LAMB2: variants seen among roughly 807,000 people sequenced by gnomAD.
LAMB2 encodes the protein laminin subunit beta-2.
LAMB2 carries 119 observed loss-of-function variants against 202.7 expected under a neutral mutation model. The observed-to-expected ratio is 0.59, with a 90% CI of 0.51 to 0.68. LAMB2 has a LOEUF of 0.68. LAMB2 is among the 30% of genes least tolerant of loss of function. The pLI is 0.00. For synonymous variants in LAMB2, 818 were observed against 902.2 expected, an observed-to-expected ratio of 0.91 and a Z score of 1.67; for missense variants, 2,124 against 2,410.6, an observed-to-expected ratio of 0.88 and a Z score of 2.49.
chr3:49,122,328 C>CGT lies in LAMB2; in HGVS notation c.4614_4615dup (p.Arg1539HisfsTer4). ...AGCTGGGATGGAGAGCTCTAGCACC[C>CGT]GTGTGGCCACCATTTCAATGCTATC... On this transcript the variant is annotated frameshift_variant, in exon 28 of 32. Transcript: ENST00000305544. LOFTEE classifies it high-confidence loss of function. The CGT allele has an allele frequency of 6.2e-7, 1 of 1,613,390 alleles. No individual in the cohort carries two copies. Among genetic ancestry groups the CGT allele is most frequent in the South Asian group, 1.1e-5 (1 of 91,086 alleles).
At position 49,121,910 on chromosome 3, in the gene LAMB2, A is replaced by C. The variant is rs1022401041; in HGVS notation, c.4923+34T>G. On this transcript the variant is annotated intron_variant, in intron 29 of 31. Coordinates refer to ENST00000305544, the MANE Select transcript of LAMB2 (RefSeq NM_002292.4). ...CACAGATCTACGGTTCATGCCCATA[A>C]CCTTGTCCCACTGATGTCCTAGGAA... is the stretch of plus-strand genomic sequence containing the variant. 4 of 1,613,658 alleles carry C rather than the reference A, an allele frequency of 2.5e-6. No homozygotes were observed. In the African/African-American group the frequency reaches 5.3e-5, roughly 22 times the overall value.
In LAMB2 at chr3:49,131,844, G is replaced by T; in HGVS notation, c.460-121C>A. The T allele has an allele frequency of 1.8e-6, 2 of 1,106,212 alleles. No homozygotes were observed. Among genetic ancestry groups the T allele is most frequent in the Non-Finnish European group, 2.7e-6 (2 of 754,340 alleles). The allele number at this position is 1,106,212 out of a possible 1,614,324, so 68.5% of individuals were successfully genotyped here. On this transcript the variant is annotated intron_variant, in intron 4 of 31. Coordinates refer to ENST00000305544, the MANE Select transcript of LAMB2 (RefSeq NM_002292.4). This position sits in a 1 kb window ranked among gnomAD's most constrained non-coding sequence, Gnocchi z 5.0. ...AGCTCACAGAGAGTGGGGGTGACTG[G>T]TGGAAGCCAGATAATGACCAGCAAA...
At position 49,129,613 on chromosome 3, in the gene LAMB2, G is replaced by T; in HGVS notation, c.1509C>A (p.Asp503Glu). ...CKRLVTGRGC[D>E]RCLPGHWGLS... Reference sequence around the variant, plus strand: ...CCCCTTCCAGTCGCACCAGGCAGCGGTCACATCCACGTCCAGTCACTAGAC... The same window carrying T: ...CCCCTTCCAGTCGCACCAGGCAGCGTTCACATCCACGTCCAGTCACTAGAC... Residue 503 changes from aspartate to glutamate, a missense_variant, in exon 11 of 32, where the codon GAC becomes GAA. Physicochemically the swap from Asp to Glu is conservative, Grantham distance 45. Around this residue, in one of 3 missense-constraint regions of LAMB2, gnomAD observed 1,702 missense variants for 1,896.3 expected, o/e 0.90. Transcript: ENST00000305544. The surrounding 1 kb of genome is among the most constrained non-coding windows in gnomAD (Gnocchi z 6.1). 6.2e-7 allele frequency: 1 copy of T among 1,613,262 alleles called. No individual in the cohort carries two copies. The highest frequency in any genetic ancestry group is 8.5e-7 in the Non-Finnish European group (1 of 1,179,244).
At chr3:49,125,658 G>A (rs2045405748) in intron 18 of LAMB2, 89 bp downstream of exon 18, 11 of 1,552,006 alleles carry the variant, frequency 7.1e-6, no homozygotes, top group Non-Finnish European at 8.8e-6. Context: ...CTTAGTTTGA[G>A]GAAACCAGCA....
In LAMB2 at chr3:49,121,516, GC is replaced by G; in HGVS notation, c.5176del (p.Ala1726LeufsTer95). On this transcript the variant is annotated frameshift_variant, in exon 31 of 32. Transcript: ENST00000305544. LOFTEE classifies it high-confidence loss of function. ...CAGTTGTTCTGCCCTTGCCTGTGCA[GC>G]CAGCACACCTTGGGCCTTGCGCTCA... is the stretch of plus-strand genomic sequence containing the variant. ...LAERKAQGVL[A>X]AQARAEQLRD... The G allele has an allele frequency of 6.2e-7, 1 of 1,614,106 alleles. No homozygotes were observed. Among genetic ancestry groups the G allele is most frequent in the Non-Finnish European group, 8.5e-7 (1 of 1,180,050 alleles).
chr3:49,125,837 C>A lies in LAMB2; in HGVS notation c.2398G>T (p.Gly800Cys). The part of the protein sequence containing the change: ...SLSSECNPHG[G>C]QCLCKPGVVG... ...ACTCCAGGCTTGCACAGGCACTGAC[C>A]ACCATGAGGGTTGCACTCAGAACTC... The change falls in exon 18 of 32, where the codon GGT becomes TGT. Residue 800 changes from glycine to cysteine, a missense_variant. Around this residue, in one of 3 missense-constraint regions of LAMB2, gnomAD observed 1,702 missense variants for 1,896.3 expected, o/e 0.90. Coordinates refer to ENST00000305544, the MANE Select transcript of LAMB2 (RefSeq NM_002292.4). The A allele has an allele frequency of 6.2e-7, 1 of 1,614,110 alleles. No homozygotes were observed. Among genetic ancestry groups the A allele is most frequent in the Non-Finnish European group, 8.5e-7 (1 of 1,180,014 alleles).
intron 18 of LAMB2, 22 bp from the exon 19 acceptor site, chr3:49,125,506 G>T: frequency 1.9e-6 from 3 of 1,548,052 alleles, no homozygotes; most frequent in Non-Finnish European, 2.6e-6. Context: ...GCAGAGCTGA[G>T]CCAGAGCCAG....
In LAMB2 at chr3:49,129,264, C is replaced by G; in HGVS notation, c.1579G>C (p.Gly527Arg). 1 of 1,613,984 alleles carries G rather than the reference C, an allele frequency of 6.2e-7. No homozygotes were observed. The change falls in exon 12 of 32, where the codon GGT becomes CGT. Residue 527 changes from glycine to arginine, a missense_variant. By Grantham distance (125) the Gly-to-Arg change is moderately radical (BLOSUM62 -2). Around this residue, in one of 3 missense-constraint regions of LAMB2, gnomAD observed 1,702 missense variants for 1,896.3 expected, o/e 0.90. Coordinates refer to ENST00000305544, the MANE Select transcript of LAMB2 (RefSeq NM_002292.4). This position sits in a 1 kb window ranked among gnomAD's most constrained non-coding sequence, Gnocchi z 6.1. The stretch of plus-strand genomic sequence containing the variant: ...ACTTACTGGGGATCCAAAGCACCAC[C>G]CACGTCGCAGTCACAGGGGCGGCAG... ...LGCRPCDCDV[G>R]GALDPQCDEG...
Position 49,125,988 on chromosome 3 carries a change from G to C in LAMB2, c.2323C>G (p.Leu775Val). The C allele has an allele frequency of 6.2e-7, 1 of 1,614,204 alleles. No homozygotes were observed. The highest frequency in any genetic ancestry group is 8.5e-7 in the Non-Finnish European group (1 of 1,180,030). Residue 775 changes from leucine (L) to valine (V), a missense_variant, in exon 17 of 32, where the codon CTC becomes GTC. By Grantham distance (32) the Leu-to-Val change is conservative. This residue lies in a region of LAMB2 where 1,702 missense variants were observed against 1,896.3 expected (regional missense o/e 0.90). Coordinates refer to ENST00000305544, the MANE Select transcript of LAMB2 (RefSeq NM_002292.4). ...TCACGCAGGGCACCATTGTAGATGA[G>C]GGTGGACAGGCTGATGAGGAGGGGT... The part of the protein sequence containing the change: ...CAPLLISLST[L>V]IYNGALPCQC...
intron 15 of LAMB2, among the ~76,000 whole-genome samples, 157 bp downstream of exon 15, chr3:49,128,301 G>A (rs1022367710): frequency 6.6e-6 from 1 of 152,210 alleles, no homozygotes; most frequent in Non-Finnish European, 1.5e-5. Flanking sequence ...TCTGTGAACA[G>A]AGCCATGCCC....
chr3:49,124,990 GC>G lies in LAMB2; in HGVS notation c.2884+15del, dbSNP rs769133638. 4 of 1,613,920 alleles carry G rather than the reference GC, an allele frequency of 2.5e-6. No homozygotes were observed. In the South Asian group the frequency reaches 4.4e-5, roughly 18 times the overall value. On this transcript the variant is annotated intron_variant, in intron 20 of 31. Coordinates refer to ENST00000305544, the MANE Select transcript of LAMB2 (RefSeq NM_002292.4). Reference sequence around the variant, plus strand: ...GCCAACTCACCCTGATCCCACGCCTGCCCCCATCCACTCACCCGTATAGCCT... The same window carrying G: ...GCCAACTCACCCTGATCCCACGCCTGCCCCATCCACTCACCCGTATAGCCT...
intron 27 of LAMB2, 164 bp downstream of exon 27, chr3:49,122,540 T>G (rs2045341040): frequency 1.1e-6 from 1 of 920,058 alleles, no homozygotes; most frequent in African/African-American, 1.6e-5. Context: ...CTCAAGAACA[T>G]GGACCTGGGA....
In LAMB2 at chr3:49,132,556, G is replaced by C; in HGVS notation, c.184C>G (p.Leu62Val). 6.2e-7 allele frequency: 1 copy of C among 1,613,706 alleles called. No homozygotes were observed. The highest frequency in any genetic ancestry group is 1.7e-5 in the Admixed American group (1 of 60,032). The change falls in exon 2 of 32, where the codon CTG (leucine) becomes GTG (valine). Residue 62 changes from leucine to valine, a missense_variant. Leu to Val is a conservative substitution (Grantham distance 32). Coordinates refer to ENST00000305544, the MANE Select transcript of LAMB2 (RefSeq NM_002292.4). The surrounding 1 kb of genome is among the most constrained non-coding windows in gnomAD (Gnocchi z 4.6). ...GDLLVGRADR[L>V]TASSTCGLNG... ...AGGCCACAAGTGGATGAGGCAGTCA[G>C]TCTGTCAGCTCGGCCCACCAGCAGG...
At chr3:49,125,517 G>T in intron 18 of LAMB2, 33 bp from the exon 19 acceptor site, 1 of 1,542,864 alleles carries the variant, frequency 6.5e-7, no homozygotes, top group South Asian at 1.2e-5. Flanking sequence ...CCAGAGCCAG[G>T]GGAGGGGGTC....
At position 49,125,972 on chromosome 3, in the gene LAMB2, G is replaced by A. The variant is rs2107640102; in HGVS notation, c.2339C>T (p.Ala780Val). 6.2e-7 allele frequency: 1 copy of A among 1,614,148 alleles called. No individual in the cohort carries two copies. The highest frequency in any genetic ancestry group is 8.5e-7 in the Non-Finnish European group (1 of 1,180,006). ...CCCACATCACAGACACTCACGCAGGGCACCATTGTAGATGAGGGTGGACAG... is the reference window on the plus strand; with the variant it reads ...CCCACATCACAGACACTCACGCAGGACACCATTGTAGATGAGGGTGGACAG... ...ISLSTLIYNG[A>V]LPCQCNPQGS... Residue 780 changes from alanine to valine, a missense_variant, in exon 17 of 32, where the codon GCC becomes GTC. Physicochemically the swap from Ala to Val is moderately conservative, Grantham distance 64. Transcript: ENST00000305544.
Position 49,124,935 on chromosome 3 carries a change from G to T in LAMB2, c.2885-10C>A. The stretch of plus-strand genomic sequence containing the variant: ...GCTTCACATCGCAGCCCTGCCCACG[G>T]TTAAGAGGAAGCTGTGAGTGCTCAG... On this transcript the variant is annotated splice_polypyrimidine_tract_variant and intron_variant, in intron 20 of 31. Coordinates refer to ENST00000305544, the MANE Select transcript of LAMB2 (RefSeq NM_002292.4). The T allele has an allele frequency of 5.6e-6, 9 of 1,613,994 alleles. No homozygotes were observed. Among genetic ancestry groups the T allele is most frequent in the Non-Finnish European group, 7.6e-6 (9 of 1,180,024 alleles).
At position 49,131,693 on chromosome 3, in the gene LAMB2, G is replaced by A. The variant is rs772833487; in HGVS notation, c.490C>T (p.Arg164Cys). The A allele has an allele frequency of 1.6e-5, 26 of 1,613,392 alleles. No homozygotes were observed. The highest frequency in any genetic ancestry group is 8.9e-5 in the East Asian group (4 of 44,896). The change falls in exon 5 of 32, where the codon CGC (arginine) becomes TGC (cysteine). Residue 164 changes from arginine (R) to cysteine (C), a missense_variant. By Grantham distance (180) the Arg-to-Cys change is radical (BLOSUM62 -3). Coordinates refer to ENST00000305544, the MANE Select transcript of LAMB2 (RefSeq NM_002292.4). This position sits in a 1 kb window ranked among gnomAD's most constrained non-coding sequence, Gnocchi z 5.0. ...TFRPAAMLVE[R>C]SADFGRTWHV... ...CAGGTGCGGCCAAAGTCTGCTGAGC[G>A]TTCCACCAGCATGGCAGCAGGGCGA...
intron 15 of LAMB2, among the ~76,000 whole-genome samples, chr3:49,127,121 A>G (rs1170525136): frequency 6.6e-6 from 1 of 152,024 alleles, no homozygotes; most frequent in Non-Finnish European, 1.5e-5. Flanking sequence ...AAGCAGCTGG[A>G]ACCACAAGCA....
In LAMB2 at chr3:49,129,561, G is replaced by A; in HGVS notation, c.1518+43C>T. 19 of 1,511,018 alleles carry A rather than the reference G, an allele frequency of 1.3e-5. No homozygotes were observed. Among genetic ancestry groups the A allele is most frequent in the Non-Finnish European group, 1.7e-5 (18 of 1,087,242 alleles). The allele number at this position is 1,511,018 out of a possible 1,614,324, so 93.6% of individuals were successfully genotyped here. On this transcript the variant is annotated intron_variant, in intron 11 of 31. Transcript: ENST00000305544. This position sits in a 1 kb window ranked among gnomAD's most constrained non-coding sequence, Gnocchi z 6.1. ...GTGACACCCCAGCCCTGTGCTCTAA[G>A]GACAAATCATGCCCCTAGAACTCCA...
Sources: gnomAD v4.1 joint callset for allele counts (sites outside exome capture counted in the v4.1 genomes callset) on GRCh38, gnomAD v4.1.1 for gene constraint, gnomAD v4.1.1 regional missense constraint, Gnocchi (gnomAD v3.1) non-coding constraint, MANE v1.5 for transcripts, NCBI Gene and HGNC (gene_info 2026-07-23, HGNC 2026-07-21) for gene names.